RFX3: variants seen among roughly 807,000 people sequenced by gnomAD.
RFX3 encodes the protein regulatory factor X3, also known as transcription factor RFX3.
In RFX3, 14 loss-of-function variants were observed where a neutral mutation model predicts 98.6. That is an observed-to-expected ratio of 0.14 (90% CI 0.09 to 0.22). The LOEUF (loss-of-function observed/expected upper bound fraction) is 0.22, where lower values mean the gene tolerates loss of function less well. Ranked by LOEUF, RFX3 falls within the 10% of genes least tolerant of loss-of-function variation. The probability of loss-of-function intolerance (pLI) is 1.00; values close to 1 mark genes in which losing one functional copy is unlikely to be tolerated. For synonymous variants in RFX3, 383 were observed against 328.4 expected, an observed-to-expected ratio of 1.17 and a Z score of -1.80; for missense variants, 639 against 926.9, an observed-to-expected ratio of 0.69 and a Z score of 4.03.
At chr9:3,382,737 C>A (rs1000336010) in intron 2 of RFX3, among the ~76,000 whole-genome samples, 1 of 152,008 alleles carries the variant, frequency 6.6e-6, no homozygotes, top group Non-Finnish European at 1.5e-5. Context: ...GTTTTTCAAA[C>A]AAATTTATTT....
chr9:3,412,369 A>C (rs1401941185), intron 1 of RFX3, among the ~76,000 whole-genome samples: 1 of 152,208 alleles, frequency 6.6e-6, no homozygotes, highest in East Asian at 1.9e-4. Context: ...AAGGAATGTT[A>C]TGAATTATAG....
At chr9:3,276,347 T>C (rs1387480686) in intron 8 of RFX3, among the ~76,000 whole-genome samples, 1 of 152,144 alleles carries the variant, frequency 6.6e-6, no homozygotes, top group African/African-American at 2.4e-5. Flanking sequence ...CTCTGTGTTC[T>C]TTTCTTATTA....
intron 1 of RFX3, chr9:3,488,925 A>T (rs1285435296): frequency 2.0e-6 from 2 of 982,190 alleles, no homozygotes; most frequent in Non-Finnish European, 2.4e-6. Flanking sequence ...TCAAATTGAA[A>T]TAAGGAGTAC....
intron 1 of RFX3, among the ~76,000 whole-genome samples, chr9:3,504,935 A>AAT (rs1554728042): frequency 3.1e-5 from 2 of 63,926 alleles, no homozygotes; most frequent in Non-Finnish European, 2.5e-5. Flanking sequence ...TATTATATAT[A>AAT]ATATATATAA....
In RFX3 at chr9:3,346,670, G is replaced by A. The variant is rs2131160753; in HGVS notation, c.212C>T (p.Ala71Val). The stretch of plus-strand genomic sequence containing the variant: ...AGACTTCCACATATAAACTTACATT[G>A]CTCCATTGGTATAGACAGTATCGCT... The part of the protein sequence containing the change: ...EGSDTVYTNG[A>V]IRTTTYPYTE... The change falls in exon 3 of 17, where the codon GCA becomes GTA. Residue 71 changes from alanine to valine, a missense_variant. Physicochemically the swap from Ala to Val is moderately conservative, Grantham distance 64 (BLOSUM62 0). This residue lies in a region of RFX3 where 210 missense variants were observed against 197.7 expected (regional missense o/e 1.06). Coordinates refer to ENST00000617270, the MANE Select transcript of RFX3 (RefSeq NM_001282116.2). 6.3e-7 allele frequency: 1 copy of A among 1,597,086 alleles called. No homozygotes were observed. Among genetic ancestry groups the A allele is most frequent in the Non-Finnish European group, 8.6e-7 (1 of 1,164,586 alleles).
chr9:3,423,789 AT>A (rs1564081617), intron 1 of RFX3, among the ~76,000 whole-genome samples: 3 of 123,532 alleles, frequency 2.4e-5, no homozygotes, highest in African/African-American at 1.3e-4. Flanking sequence ...ATATATATAT[AT>A]ATATATATAT....
At chr9:3,415,921 C>G (rs908784457) in intron 1 of RFX3, among the ~76,000 whole-genome samples, 3 of 152,190 alleles carry the variant, frequency 2.0e-5, no homozygotes, top group Admixed American at 6.5e-5. Context: ...GTTTTATTCA[C>G]TACCTAGATC....
intron 2 of RFX3, among the ~76,000 whole-genome samples, chr9:3,352,506 G>C (rs1835266273): frequency 6.6e-6 from 1 of 151,774 alleles, no homozygotes; most frequent in Non-Finnish European, 1.5e-5. Flanking sequence ...TCATACTTAA[G>C]GTCTTACCAC....
intron 2 of RFX3, among the ~76,000 whole-genome samples, chr9:3,388,476 T>C (rs772187421): frequency 2.7e-4 from 41 of 152,134 alleles, no homozygotes; most frequent in Non-Finnish European, 5.1e-4. Context: ...AGGCTAAATG[T>C]GTGATAGGCT....
At chr9:3,374,551 A>G (rs2131600989) in intron 2 of RFX3, among the ~76,000 whole-genome samples, 1 of 152,352 alleles carries the variant, frequency 6.6e-6, no homozygotes, top group South Asian at 2.1e-4. Flanking sequence ...GGAAATTCTG[A>G]TACATGCTAC....
In RFX3 at chr9:3,358,361, C is replaced by T. The variant is rs117575754; in HGVS notation, c.118-11597G>A. ...ATTTGGTTTCAGCCATAAATATGCA[C>T]AATAAATGTTCATCAAGGGTCCCTT... On this transcript the variant is annotated intron_variant, in intron 2 of 16. Coordinates refer to ENST00000617270, the MANE Select transcript of RFX3 (RefSeq NM_001282116.2). 6.4e-4 allele frequency among the ~76,000 whole-genome samples: 98 copies of T among 152,080 alleles called. 1 individual carries two copies. The East Asian group carries it at 0.019, about 29-fold the overall frequency.
intron 2 of RFX3, among the ~76,000 whole-genome samples, chr9:3,366,705 T>TCTTTCTTTCTTTCTTTCTTTC: frequency 8.4e-6 from 1 of 119,028 alleles, no homozygotes; most frequent in African/African-American, 3.3e-5. Context: ...TTTCTTTCTT[T>TCTTTCTTTCTTTCTTTCTTTC]CTTTCTTTCT....
intron 6 of RFX3, among the ~76,000 whole-genome samples, chr9:3,289,167 T>G (rs1280996103): frequency 3.9e-5 from 6 of 152,112 alleles, no homozygotes; most frequent in Non-Finnish European, 8.8e-5. Context: ...AATTTTTTCT[T>G]CCATTTACAA....
intron 1 of RFX3, among the ~76,000 whole-genome samples, chr9:3,464,138 T>C (rs1321887070): frequency 1.3e-5 from 2 of 152,152 alleles, no homozygotes; most frequent in Non-Finnish European, 2.9e-5. Flanking sequence ...TAAAAAGAAC[T>C]GTTAATACCA....
rs532834448 is a variant in RFX3 at position 3,477,078 on chromosome 9, T to C, written c.-9+48669A>G. ...GTAATAATTATTTTCAGTATAATTT[T>C]TGTTCTAATTTTTGTTTTACCTGAA... On this transcript the variant is annotated intron_variant, in intron 1 of 16. Coordinates refer to ENST00000617270, the MANE Select transcript of RFX3 (RefSeq NM_001282116.2). 3.9e-5 allele frequency among the ~76,000 whole-genome samples: 6 copies of C among 152,282 alleles called. No individual in the cohort carries two copies. The South Asian group carries it at 1.0e-3, about 26-fold the overall frequency.
chr9:3,419,510 G>A (rs1248277473), intron 1 of RFX3, among the ~76,000 whole-genome samples: 1 of 152,144 alleles, frequency 6.6e-6, no homozygotes, highest in Non-Finnish European at 1.5e-5. Context: ...TGGGCCAAAT[G>A]AGCATGAACC....
intron 15 of RFX3, among the ~76,000 whole-genome samples, chr9:3,238,060 A>G (rs1339703604): frequency 6.6e-6 from 1 of 152,190 alleles, no homozygotes; most frequent in Non-Finnish European, 1.5e-5. Context: ...ACAGTTCACA[A>G]CGTGAGGACT....
chr9:3,254,541 CTT>C (rs75879335), intron 14 of RFX3, among the ~76,000 whole-genome samples: 6 of 142,818 alleles, frequency 4.2e-5, no homozygotes, highest in South Asian at 2.2e-4. Context: ...TATCTGAAAT[CTT>C]TTTTTTTTTT....
chr9:3,454,480 G>T (rs1846970376), intron 1 of RFX3, among the ~76,000 whole-genome samples: 1 of 152,170 alleles, frequency 6.6e-6, no homozygotes, highest in African/African-American at 2.4e-5. Context: ...AAGAGCATGT[G>T]TAAAACTCAC....
Sources: allele counts gnomAD v4.1 joint callset (sites outside exome capture counted in the v4.1 genomes callset), GRCh38; gene constraint gnomAD v4.1.1; regional missense constraint gnomAD v4.1.1; transcripts MANE v1.5; gene names NCBI Gene and HGNC (gene_info 2026-07-23, HGNC 2026-07-21).